STK39: variants seen among roughly 807,000 people sequenced by gnomAD.
The protein encoded by STK39 is serine/threonine kinase 39.
A neutral mutation model predicts 77.8 loss-of-function variants in STK39; 20 were observed. The observed-to-expected ratio is 0.26, with a 90% confidence interval of 0.18 to 0.37. The LOEUF is 0.37. Ranked by LOEUF, STK39 falls within the 10% of genes least tolerant of loss-of-function variation. The pLI, the probability that STK39 is intolerant of heterozygous loss-of-function variation, is 1.00. For synonymous variants in STK39, 246 were observed against 234.1 expected (o/e 1.05, Z -0.47); for missense variants, 479 against 656.5 (o/e 0.73, Z 2.95).
At position 168,017,080 on chromosome 2, in the gene STK39, T is replaced by C. The variant is rs973267534; in HGVS notation, c.1392A>G (p.Glu464=). 2.5e-6 allele frequency: 4 copies of C among 1,607,162 alleles called. No homozygotes were observed. Among genetic ancestry groups the C allele is most frequent in the Non-Finnish European group, 3.4e-6 (4 of 1,176,878 alleles). Residue 464 remains glutamate (E), a synonymous_variant, in exon 15 of 18, where the codon GAA becomes GAG. Transcript: ENST00000355999. ...LVLRLRNSRK[E]LNDIRFEFTP... ...TAAACTCAAATCGTATGTCATTAAG[T>C]TCCTTTCTGGAGTTTCTGAAATACA...
At chr2:168,081,352 T>G (rs1025149122) in intron 10 of STK39, among the ~76,000 whole-genome samples, 1 of 152,220 alleles carries the variant, frequency 6.6e-6, no homozygotes, top group Non-Finnish European at 1.5e-5. Context: ...GAGATCATTT[T>G]GGAGCTTTAA....
intron 10 of STK39, among the ~76,000 whole-genome samples, chr2:168,095,134 T>C (rs539061986): frequency 6.6e-6 from 1 of 152,268 alleles, no homozygotes; most frequent in South Asian, 2.1e-4. Flanking sequence ...CTTCAAACTG[T>C]CCTCTACTGT....
In STK39 at chr2:168,072,959, A is replaced by G. The variant is rs563519879; in HGVS notation, c.1242+2023T>C. 3.3e-5 allele frequency among the ~76,000 whole-genome samples: 5 copies of G among 152,348 alleles called. No individual in the cohort carries two copies. The South Asian group carries it at 1.0e-3, about 32-fold the overall frequency. ...TTGGTGGAAGTGTTTACATGCAAACACATGTATCCTTTCACAGAAATAAGA... is the reference window on the plus strand; with the variant it reads ...TTGGTGGAAGTGTTTACATGCAAACGCATGTATCCTTTCACAGAAATAAGA... On this transcript the variant is annotated intron_variant, in intron 12 of 17. Coordinates refer to ENST00000355999, the MANE Select transcript of STK39 (RefSeq NM_013233.3).
At chr2:168,140,859 T>C (rs888993024) in intron 5 of STK39, 101 bp from the exon 6 acceptor site, 1 of 939,358 alleles carries the variant, frequency 1.1e-6, no homozygotes, top group African/African-American at 1.7e-5. Context: ...TTTACAGTGG[T>C]GATGAACTAT....
intron 1 of STK39, among the ~76,000 whole-genome samples, chr2:168,198,947 G>C (rs1254465249): frequency 6.6e-6 from 1 of 152,172 alleles, no homozygotes; most frequent in East Asian, 1.9e-4. Flanking sequence ...TTTCATTTAA[G>C]GCTTGCTAAC....
chr2:168,073,002 C>T (rs1209711510), intron 12 of STK39, among the ~76,000 whole-genome samples: 1 of 152,184 alleles, frequency 6.6e-6, no homozygotes, highest in African/African-American at 2.4e-5. Flanking sequence ...TCATATGCTT[C>T]TTTAATTATA....
intron 14 of STK39, among the ~76,000 whole-genome samples, chr2:168,053,749 A>G (rs549239103): frequency 6.6e-5 from 10 of 152,180 alleles, no homozygotes; most frequent in Non-Finnish European, 1.2e-4. Context: ...CAGCAGAAGG[A>G]TTTTGTATAT....
chr2:168,233,187 T>C (rs530178965), intron 1 of STK39, among the ~76,000 whole-genome samples: 2 of 152,302 alleles, frequency 1.3e-5, no homozygotes, highest in Admixed American at 1.3e-4. Context: ...CTAGTCCTAT[T>C]TCAGCCACCC....
intron 16 of STK39, among the ~76,000 whole-genome samples, chr2:167,983,282 C>A (rs116483692): frequency 0.031 from 4,774 of 151,832 alleles, 244 homozygotes; most frequent in East Asian, 0.21. Context: ...AAGCTCGAGA[C>A]CAGCTTGACC....
chr2:168,113,402 A>T (rs973646025), intron 10 of STK39, among the ~76,000 whole-genome samples: 2 of 152,210 alleles, frequency 1.3e-5, no homozygotes, highest in Admixed American at 6.5e-5. Flanking sequence ...ACAGTGTAAC[A>T]CAGCGAAGAC....
At chr2:168,002,722 C>T (rs1684032264) in intron 16 of STK39, among the ~76,000 whole-genome samples, 3 of 152,176 alleles carry the variant, frequency 2.0e-5, no homozygotes, top group Admixed American at 6.5e-5. Context: ...TTACTTTAGT[C>T]TGTCTTTCTT....
At chr2:168,022,320 A>G (rs1448033454) in intron 14 of STK39, among the ~76,000 whole-genome samples, 3 of 152,252 alleles carry the variant, frequency 2.0e-5, no homozygotes. Context: ...TTTGACACAC[A>G]TTATGAAATT....
At chr2:168,199,352 G>A (rs947782789) in intron 1 of STK39, among the ~76,000 whole-genome samples, 1 of 152,100 alleles carries the variant, frequency 6.6e-6, no homozygotes, top group African/African-American at 2.4e-5. Context: ...AAAAAGAAGT[G>A]GCTATCTACA....
intron 16 of STK39, among the ~76,000 whole-genome samples, chr2:167,982,773 G>A (rs1463668287): frequency 2.6e-5 from 4 of 152,174 alleles, no homozygotes; most frequent in African/African-American, 9.7e-5. Context: ...TTCAGAAGCT[G>A]CTATTTTCCC....
At chr2:168,075,048 C>T (rs1167559726) in intron 11 of STK39, 37 bp from the exon 12 acceptor site, 6 of 1,613,808 alleles carry the variant, frequency 3.7e-6, no homozygotes, top group Admixed American at 3.3e-5. Flanking sequence ...TATATATACA[C>T]ACACACAATC....
At position 168,247,505 on chromosome 2, in the gene STK39, T is replaced by A; in HGVS notation, c.-70A>T. On this transcript the variant is annotated 5_prime_UTR_variant, in exon 1 of 18. Coordinates refer to ENST00000355999, the MANE Select transcript of STK39 (RefSeq NM_013233.3). ...CCTTCCACTTGAAACTTCCTTTGCCTCGCCGCCGACACCTCTCGGCCGGCG... is the reference window on the plus strand; with the variant it reads ...CCTTCCACTTGAAACTTCCTTTGCCACGCCGCCGACACCTCTCGGCCGGCG... The A allele has an allele frequency of 8.7e-7, 1 of 1,143,098 alleles. No individual in the cohort carries two copies. The allele number at this position is 1,143,098 out of a possible 1,614,324, so 70.8% of individuals were successfully genotyped here.
At position 168,220,383 on chromosome 2, in the gene STK39, G is replaced by A. The variant is rs572480363; in HGVS notation, c.208+26845C>T. ...CTAAGCAGCACAGCATAATGGTTAA[G>A]AGGGGATTTACAGACTCTGGAGAGT... On this transcript the variant is annotated intron_variant, in intron 1 of 17. Transcript: ENST00000355999. Among the ~76,000 whole-genome samples, 6 of 152,270 alleles carry A rather than the reference G, an allele frequency of 3.9e-5. No individual in the cohort carries two copies. The South Asian group carries it at 1.2e-3, about 32-fold the overall frequency.
chr2:168,007,337 G>A (rs899598534), intron 16 of STK39, among the ~76,000 whole-genome samples: 2 of 152,074 alleles, frequency 1.3e-5, no homozygotes, highest in Non-Finnish European at 2.9e-5. Flanking sequence ...TAAAGTAAAT[G>A]TTACGATATA....
chr2:168,003,013 T>G (rs1351243754), intron 16 of STK39, among the ~76,000 whole-genome samples: 3 of 152,240 alleles, frequency 2.0e-5, no homozygotes, highest in Non-Finnish European at 4.4e-5. Flanking sequence ...AGATGGAGTC[T>G]CGCTCTGTCG....
Sources: allele counts gnomAD v4.1 joint callset (sites outside exome capture counted in the v4.1 genomes callset), GRCh38; gene constraint gnomAD v4.1.1; transcripts MANE v1.5; gene names NCBI Gene and HGNC (gene_info 2026-07-23, HGNC 2026-07-21).